Variants in ZMIZ1 observed in about 807,000 individuals in gnomAD.
ZMIZ1 encodes the protein zinc finger MIZ domain-containing protein 1.
ZMIZ1 carries 17 observed loss-of-function variants against 113.9 expected under a neutral mutation model. That is an observed-to-expected ratio of 0.15 (90% confidence interval 0.10 to 0.22). ZMIZ1 has a LOEUF of 0.22. Among genes scored for constraint, ZMIZ1 ranks in the 10% least tolerant of loss-of-function variants. The pLI, the probability that ZMIZ1 is intolerant of heterozygous loss-of-function variation, is 1.00. For missense variants in ZMIZ1, 1,059 were observed against 1,477.8 expected, an observed-to-expected ratio of 0.72 and a Z score of 4.65; for synonymous variants, 607 against 603.1, an observed-to-expected ratio of 1.01 and a Z score of -0.09.
At chr10:79,229,888 T>C (rs1162128313) in intron 7 of ZMIZ1, among the ~76,000 whole-genome samples, 2 of 152,114 alleles carry the variant, frequency 1.3e-5, no homozygotes, top group African/African-American at 4.8e-5. Flanking sequence ...GGGATAGTCA[T>C]CTGCCATCAG....
chr10:79,070,666 A>G (rs1369341117), intron 1 of ZMIZ1, among the ~76,000 whole-genome samples: 1 of 151,840 alleles, frequency 6.6e-6, no homozygotes, highest in African/African-American at 2.4e-5. Context: ...TCACAGAGCG[A>G]GGGCCGCTCC....
At chr10:79,226,245 G>A (rs1215681044) in intron 7 of ZMIZ1, among the ~76,000 whole-genome samples, 3 of 152,188 alleles carry the variant, frequency 2.0e-5, no homozygotes, top group South Asian at 4.1e-4. Flanking sequence ...GGTGGTCTCG[G>A]CAAGGGCAGA....
rs1850183051 is a variant in ZMIZ1, at chr10:79,246,158, T to G, written c.280+29884T>G. On this transcript the variant is annotated intron_variant, in intron 7 of 24. Coordinates refer to ENST00000334512, the MANE Select transcript of ZMIZ1 (RefSeq NM_020338.4). ...AACTGAGGTTCACTTTTGCCCAAGG[T>G]CATCCAGCAAGAGGGTGGCATGAGT... 2.6e-5 allele frequency among the ~76,000 whole-genome samples: 4 copies of G among 152,326 alleles called. No individual in the cohort carries two copies. The South Asian group carries it at 8.3e-4, about 32-fold the overall frequency.
chr10:79,155,930 A>G (rs1004007052), intron 3 of ZMIZ1, among the ~76,000 whole-genome samples: 2 of 152,198 alleles, frequency 1.3e-5, no homozygotes, highest in Admixed American at 6.5e-5. Flanking sequence ...CTGGCCCGCC[A>G]GCACTCTGTG....
intron 4 of ZMIZ1, among the ~76,000 whole-genome samples, chr10:79,197,630 A>ACG (rs1165038138): frequency 2.0e-5 from 3 of 148,514 alleles, no homozygotes; most frequent in African/African-American, 7.5e-5. Context: ...ACACACACAC[A>ACG]CACACACACA....
chr10:79,244,324 T>C (rs919905170), intron 7 of ZMIZ1, among the ~76,000 whole-genome samples: 2 of 152,198 alleles, frequency 1.3e-5, no homozygotes, highest in Non-Finnish European at 2.9e-5. Context: ...GAAGCAGCCT[T>C]TCAGGAGATG....
At position 79,302,230 on chromosome 10, in the gene ZMIZ1, C is replaced by CG. The variant is rs751822460; in HGVS notation, c.2125+23dup. 3.1e-6 allele frequency: 5 copies of CG among 1,609,280 alleles called. No individual in the cohort carries two copies. The African/African-American group carries it at 5.3e-5, about 17-fold the overall frequency. ...CACGAAAAGTGAGTCAGGGTGGGGA[C>CG]GGGGGTGAGGGCCAGACTCCATCCC... On this transcript the variant is annotated intron_variant, in intron 18 of 24. Transcript: ENST00000334512.
In ZMIZ1 at chr10:79,296,103, TG is replaced by T. The variant is rs1363223970; in HGVS notation, c.1231-364del. ...TGTTGACTGTGTTCCTCTGTCACAT[TG>T]GGGTACACATTGGGGAGCACAGCCC... On this transcript the variant is annotated intron_variant, in intron 12 of 24. Coordinates refer to ENST00000334512, the MANE Select transcript of ZMIZ1 (RefSeq NM_020338.4). This position sits in a 1 kb window ranked among gnomAD's most constrained non-coding sequence, Gnocchi z 4.1. 5 of 266,024 alleles carry T rather than the reference TG, an allele frequency of 1.9e-5. No individual in the cohort carries two copies. The highest frequency in any genetic ancestry group is 4.6e-5 in the South Asian group (1 of 21,938). The allele number at this position is 266,024 out of a possible 1,614,324, so 16.5% of individuals were successfully genotyped here. A position where few individuals can be genotyped will look rare whatever the true frequency, so the allele number is the denominator to read the frequency against.
chr10:79,236,121 G>A (rs1849577813), intron 7 of ZMIZ1, among the ~76,000 whole-genome samples: 1 of 152,250 alleles, frequency 6.6e-6, no homozygotes, highest in African/African-American at 2.4e-5. Flanking sequence ...CAGGCACGAT[G>A]GGTCCGATGG....
At chr10:79,131,306 G>T (rs1175005345) in intron 2 of ZMIZ1, among the ~76,000 whole-genome samples, 2 of 152,088 alleles carry the variant, frequency 1.3e-5, no homozygotes, top group Non-Finnish European at 2.9e-5. Context: ...AGAACAGCAC[G>T]TGCCCACTCT....
Position 79,307,411 on chromosome 10 carries a change from A to G in ZMIZ1, c.2675A>G (p.Asn892Ser), listed in dbSNP as rs1225261470. ...NSNDYSSQGNNYQGHGNFDFP... is the reference protein window; with the variant it reads ...NSNDYSSQGNSYQGHGNFDFP... ...CCATCTCATCCCTTCCTAGGCAACA[A>G]CTACCAAGGCCATGGCAACTTTGAC... Residue 892 changes from asparagine (N) to serine (S), a missense_variant, in exon 23 of 25, where the codon AAC becomes AGC. By Grantham distance (46) the Asn-to-Ser change is conservative (BLOSUM62 1). Around this residue, in one of 6 missense-constraint regions of ZMIZ1, gnomAD observed 225 missense variants for 276.0 expected, o/e 0.82. Transcript: ENST00000334512. 3 of 1,610,146 alleles carry G rather than the reference A, an allele frequency of 1.9e-6. No individual in the cohort carries two copies. The highest frequency in any genetic ancestry group is 2.7e-5 in the African/African-American group (2 of 74,256).
chr10:79,214,769 C>T (rs1057292978), intron 6 of ZMIZ1, among the ~76,000 whole-genome samples: 3 of 152,206 alleles, frequency 2.0e-5, no homozygotes, highest in Non-Finnish European at 2.9e-5. Context: ...GCCATAGCCA[C>T]TCCAGCTGCT....
At chr10:79,072,454 G>C (rs1262826588) in intron 1 of ZMIZ1, among the ~76,000 whole-genome samples, 1 of 152,190 alleles carries the variant, frequency 6.6e-6, no homozygotes, top group Admixed American at 6.5e-5. Context: ...TCCTGATGGC[G>C]GGAGGGGTGA....
chr10:79,308,482 G>C (rs543505019), intron 23 of ZMIZ1, among the ~76,000 whole-genome samples: 2 of 152,180 alleles, frequency 1.3e-5, no homozygotes, highest in Admixed American at 6.5e-5. Flanking sequence ...ACACCAGCCA[G>C]GGAGAGGGCC....
At position 79,168,664 on chromosome 10, in the gene ZMIZ1, C is replaced by T. The variant is rs147036037; in HGVS notation, c.-50+6531C>T. On this transcript the variant is annotated intron_variant, in intron 4 of 24. Transcript: ENST00000334512. ...AGGATTCGGAGGCTGTGTGCGGACT[C>T]CACGAGAAATAATGCTGTGCATCGT... Among the ~76,000 whole-genome samples, 4 of 152,342 alleles carry T rather than the reference C, an allele frequency of 2.6e-5. No homozygotes were observed. In the East Asian group the frequency reaches 7.7e-4, roughly 29 times the overall value.
Position 79,312,658 on chromosome 10 carries a change from C to G in ZMIZ1, c.3113C>G (p.Thr1038Arg). Residue 1038 changes from threonine to arginine, a missense_variant, in exon 25 of 25, where the codon ACA (threonine) becomes AGA (arginine). Transcript: ENST00000334512. ...CTTTTCCAGCTCCTTCCCGAACTCA[C>G]AAATCCTGACGAGCTCCTGTCTTAT... Reference protein sequence around the residue: ...EPSLDLLPELTNPDELLSYLD... With the variant: ...EPSLDLLPELRNPDELLSYLD... 1 of 1,614,230 alleles carries G rather than the reference C, an allele frequency of 6.2e-7. No individual in the cohort carries two copies. The highest frequency in any genetic ancestry group is 8.5e-7 in the Non-Finnish European group (1 of 1,180,030).
At chr10:79,129,898 G>A (rs1844679444) in intron 2 of ZMIZ1, among the ~76,000 whole-genome samples, 1 of 152,250 alleles carries the variant, frequency 6.6e-6, no homozygotes, top group Non-Finnish European at 1.5e-5. Flanking sequence ...GTGGTGGCCT[G>A]CTGGCCTGCA....
At position 79,160,592 on chromosome 10, in the gene ZMIZ1, C is replaced by G. The variant is rs552858545; in HGVS notation, c.-130-1461C>G. On this transcript the variant is annotated intron_variant, in intron 3 of 24. Transcript: ENST00000334512. The stretch of plus-strand genomic sequence containing the variant: ...ACGTGTCCAAGTCACACACTTGGTA[C>G]GAGGGCGAAGCCAAGATTTGAAGCA... Among the ~76,000 whole-genome samples the G allele has an allele frequency of 6.6e-5, 10 of 152,344 alleles. No individual in the cohort carries two copies. In the South Asian group the frequency reaches 1.0e-3, roughly 16 times the overall value.
intron 7 of ZMIZ1, among the ~76,000 whole-genome samples, chr10:79,245,374 C>T (rs1174980626): frequency 6.6e-6 from 1 of 152,232 alleles, no homozygotes; most frequent in African/African-American, 2.4e-5. Context: ...AGTGGGCTCC[C>T]TGAAGGCAGG....
Sources: allele counts gnomAD v4.1 joint callset (sites outside exome capture counted in the v4.1 genomes callset), GRCh38; gene constraint gnomAD v4.1.1; regional missense constraint gnomAD v4.1.1; non-coding constraint Gnocchi (gnomAD v3.1); transcripts MANE v1.5; gene names NCBI Gene and HGNC (gene_info 2026-07-23, HGNC 2026-07-21).